FAM168A: variants seen among roughly 807,000 people sequenced by gnomAD.
FAM168A encodes protein FAM168A.
Under a neutral mutation model 28.5 loss-of-function variants are expected in FAM168A, and 3 were observed. That is an observed-to-expected ratio of 0.11 (90% CI 0.05 to 0.27). FAM168A has a LOEUF of 0.27. FAM168A is among the 10% of genes least tolerant of loss of function. The pLI is 1.00. For synonymous variants in FAM168A, 122 were observed against 124.2 expected, an observed-to-expected ratio of 0.98 and a Z score of 0.12; for missense variants, 222 against 311.5, an observed-to-expected ratio of 0.71 and a Z score of 2.16.
At chr11:73,462,909 G>A (rs1411670615) in intron 2 of FAM168A, among the ~76,000 whole-genome samples, 1 of 150,372 alleles carries the variant, frequency 6.7e-6, no homozygotes, top group Non-Finnish European at 1.5e-5. Flanking sequence ...AGAGAAGAGA[G>A]GAGAGGAGAA....
intron 3 of FAM168A, among the ~76,000 whole-genome samples, chr11:73,426,958 A>G (rs1254466812): frequency 6.6e-6 from 1 of 152,056 alleles, no homozygotes; most frequent in Non-Finnish European, 1.5e-5. Context: ...ATCAAGTTAG[A>G]TGAGGGCTTA....
chr11:73,414,727 C>A (rs1201338597), intron 4 of FAM168A, among the ~76,000 whole-genome samples: 1 of 152,246 alleles, frequency 6.6e-6, no homozygotes, highest in African/African-American at 2.4e-5. Context: ...TTTTCTCTCT[C>A]ACTTTATAGG....
At chr11:73,453,642 C>A (rs576057563) in intron 2 of FAM168A, among the ~76,000 whole-genome samples, 2 of 152,132 alleles carry the variant, frequency 1.3e-5, no homozygotes, top group African/African-American at 4.8e-5. Context: ...TTATTCCTAC[C>A]TTTATAGGAG....
intron 1 of FAM168A, among the ~76,000 whole-genome samples, chr11:73,545,812 G>A (rs571715725): frequency 6.7e-6 from 1 of 149,404 alleles, no homozygotes; most frequent in South Asian, 2.1e-4. Context: ...GCCTCCCAAA[G>A]TGTTGGGATT....
intron 1 of FAM168A, among the ~76,000 whole-genome samples, chr11:73,589,584 G>A (rs1944358192): frequency 6.6e-6 from 1 of 151,980 alleles, no homozygotes; most frequent in Non-Finnish European, 1.5e-5. Flanking sequence ...TCAAAGGGCT[G>A]GACATGACTG....
chr11:73,456,390 A>G (rs1159453196), intron 2 of FAM168A, among the ~76,000 whole-genome samples: 3 of 152,224 alleles, frequency 2.0e-5, no homozygotes, highest in Non-Finnish European at 4.4e-5. Context: ...ATAGAAATTT[A>G]CCAATGACTG....
intron 1 of FAM168A, among the ~76,000 whole-genome samples, chr11:73,512,963 C>T (rs149319462): frequency 1.6e-3 from 239 of 152,176 alleles, no homozygotes; most frequent in Middle Eastern, 0.01. Context: ...CTAGCAAACT[C>T]GTCCTAATGT....
intron 1 of FAM168A, among the ~76,000 whole-genome samples, chr11:73,526,986 C>T (rs1262455653): frequency 6.6e-6 from 1 of 151,362 alleles, no homozygotes; most frequent in South Asian, 2.1e-4. Context: ...GTTAGCTTTG[C>T]GGGGACATCT....
intron 1 of FAM168A, among the ~76,000 whole-genome samples, chr11:73,524,113 C>T (rs993099233): frequency 7.9e-5 from 12 of 152,096 alleles, no homozygotes; most frequent in Admixed American, 5.9e-4. Flanking sequence ...ATAATTCCTC[C>T]ACTTTCTTCT....
chr11:73,546,155 C>G (rs1377421439), intron 1 of FAM168A, among the ~76,000 whole-genome samples: 1 of 152,120 alleles, frequency 6.6e-6, no homozygotes, highest in Admixed American at 6.6e-5. Context: ...GATTGACAAC[C>G]ACAGATTGAG....
At chr11:73,458,495 C>T (rs1303640118) in intron 2 of FAM168A, among the ~76,000 whole-genome samples, 1 of 152,214 alleles carries the variant, frequency 6.6e-6, no homozygotes, top group Middle Eastern at 3.2e-3. Flanking sequence ...AAAATCACTG[C>T]TTATATGGAC....
At chr11:73,519,085 T>C (rs1943340627) in intron 1 of FAM168A, among the ~76,000 whole-genome samples, 1 of 152,126 alleles carries the variant, frequency 6.6e-6, no homozygotes, top group Non-Finnish European at 1.5e-5. Flanking sequence ...CAGTCTTAGG[T>C]ATTCCTTTAT....
intron 2 of FAM168A, among the ~76,000 whole-genome samples, chr11:73,433,076 C>CTTTTTTTTTTTTTTTTTTT (rs34994742): frequency 6.2e-5 from 5 of 80,602 alleles, no homozygotes; most frequent in African/African-American, 3.4e-4. Context: ...CACGCCCCGC[C>CTTTTTTTTTTTTTTTTTTT]TTTTTTTTTT....
At chr11:73,519,815 T>C (rs945405877) in intron 1 of FAM168A, among the ~76,000 whole-genome samples, 8 of 151,554 alleles carry the variant, frequency 5.3e-5, no homozygotes, top group African/African-American at 1.7e-4. Context: ...TGTGTGTGTA[T>C]ACATATATAT....
intron 2 of FAM168A, among the ~76,000 whole-genome samples, chr11:73,432,165 C>T (rs984922922): frequency 1.3e-5 from 2 of 152,114 alleles, no homozygotes; most frequent in African/African-American, 4.8e-5. Context: ...TTTCTTTATC[C>T]GTTCATCTGT....
chr11:73,504,063 C>T (rs1420384057), intron 1 of FAM168A, among the ~76,000 whole-genome samples: 1 of 152,038 alleles, frequency 6.6e-6, no homozygotes, highest in African/African-American at 2.4e-5. Flanking sequence ...AGAAGAAAAC[C>T]TAGGCAATAC....
intron 2 of FAM168A, among the ~76,000 whole-genome samples, chr11:73,441,202 G>A (rs986966464): frequency 1.3e-5 from 2 of 152,090 alleles, no homozygotes; most frequent in African/African-American, 4.8e-5. Context: ...GGGATTACAG[G>A]CACATGCCAC....
chr11:73,517,020 C>T (rs1943312758), intron 1 of FAM168A, among the ~76,000 whole-genome samples: 1 of 152,112 alleles, frequency 6.6e-6, no homozygotes, highest in Non-Finnish European at 1.5e-5. Context: ...GCTATGGGAG[C>T]TTACAGTAGA....
chr11:73,520,043 TA>T (rs1407346363), intron 1 of FAM168A, among the ~76,000 whole-genome samples: 1 of 151,428 alleles, frequency 6.6e-6, no homozygotes, highest in African/African-American at 2.4e-5. Flanking sequence ...ATTATAATTT[TA>T]TTATTATTAT....
Sources: allele counts gnomAD v4.1 joint callset (sites outside exome capture counted in the v4.1 genomes callset), GRCh38; gene constraint gnomAD v4.1.1; transcripts MANE v1.5; gene names NCBI Gene and HGNC (gene_info 2026-07-23, HGNC 2026-07-21).